The following NELL1 variants were observed in gnomAD, a reference collection of about 807,000 sequenced individuals.
NELL1 encodes neural EGFL like 1.
NELL1 carries 76 observed loss-of-function variants against 107.4 expected under a neutral mutation model. The observed-to-expected ratio is 0.71, with a 90% CI of 0.59 to 0.86. The LOEUF is 0.86. Among genes scored for constraint, NELL1 ranks in the 40% least tolerant of loss-of-function variants. The pLI is 0.00. For missense variants in NELL1, 1,024 were observed against 1,005.5 expected (o/e 1.02, Z -0.25); for synonymous variants, 353 against 341.2 (o/e 1.03, Z -0.38).
chr11:21,441,559 C>G (rs577503356), intron 15 of NELL1, among the ~76,000 whole-genome samples: 2 of 152,026 alleles, frequency 1.3e-5, no homozygotes, highest in African/African-American at 4.8e-5. Context: ...GTAACACTTT[C>G]ATTAGAAAGA....
intron 14 of NELL1, among the ~76,000 whole-genome samples, chr11:21,251,325 G>T (rs939567786): frequency 1.7e-4 from 26 of 152,064 alleles, no homozygotes; most frequent in African/African-American, 5.8e-4. Context: ...AGGGCATTCA[G>T]ATCCTCTATT....
intron 15 of NELL1, among the ~76,000 whole-genome samples, chr11:21,411,734 G>A (rs1265396048): frequency 6.6e-6 from 1 of 152,034 alleles, no homozygotes; most frequent in African/African-American, 2.4e-5. Flanking sequence ...ATTCAATGAG[G>A]TATGATTCAG....
intron 13 of NELL1, among the ~76,000 whole-genome samples, chr11:21,169,052 A>C (rs1856546715): frequency 6.6e-6 from 1 of 151,920 alleles, no homozygotes; most frequent in Admixed American, 6.5e-5. Flanking sequence ...CATAATTCTT[A>C]TCAGAAACCC....
rs556987751 is a variant in NELL1, at chr11:21,408,200, A to T, written c.1645+37252A>T. Among the ~76,000 whole-genome samples the T allele has an allele frequency of 7.2e-5, 11 of 152,088 alleles. No homozygotes were observed. In the South Asian group the frequency reaches 2.3e-3, roughly 32 times the overall value. On this transcript the variant is annotated intron_variant, in intron 15 of 19. Coordinates refer to ENST00000357134, the MANE Select transcript of NELL1 (RefSeq NM_006157.5). ...AAGGAAGCCACTCCCAAGTGATTGG[A>T]GTTACCATGCAAAATGAAATTCAAC...
intron 11 of NELL1, among the ~76,000 whole-genome samples, chr11:20,951,138 G>T (rs140661009): frequency 2.6e-5 from 4 of 152,140 alleles, no homozygotes; most frequent in African/African-American, 9.7e-5. Context: ...CCAGAGAGTG[G>T]ATTTTGCTCA....
intron 3 of NELL1, among the ~76,000 whole-genome samples, chr11:20,790,823 G>C (rs1194370704): frequency 6.6e-6 from 1 of 152,146 alleles, no homozygotes; most frequent in East Asian, 1.9e-4. Context: ...CTTTTTCAAG[G>C]CTCCCAGTGG....
intron 2 of NELL1, among the ~76,000 whole-genome samples, chr11:20,728,919 T>A (rs12363124): frequency 0.11 from 16,995 of 152,204 alleles, 1,069 homozygotes; most frequent in Non-Finnish European, 0.15. Flanking sequence ...TTAATGATGT[T>A]GATTCTTGCA....
At chr11:20,896,760 C>T (rs1849746850) in intron 5 of NELL1, among the ~76,000 whole-genome samples, 1 of 152,118 alleles carries the variant, frequency 6.6e-6, no homozygotes, top group Non-Finnish European at 1.5e-5. Context: ...CATTCTTATA[C>T]ACCAATAACA....
intron 14 of NELL1, among the ~76,000 whole-genome samples, chr11:21,343,508 T>C (rs1315964121): frequency 6.6e-6 from 1 of 152,144 alleles, no homozygotes; most frequent in Non-Finnish European, 1.5e-5. Context: ...TGTGATCTGA[T>C]TATCAGGAAT....
At chr11:20,902,733 T>C (rs1411914544) in intron 5 of NELL1, among the ~76,000 whole-genome samples, 4 of 151,972 alleles carry the variant, frequency 2.6e-5, no homozygotes, top group Admixed American at 1.3e-4. Context: ...TGTCCATCAA[T>C]AGGAGAATGT....
intron 14 of NELL1, among the ~76,000 whole-genome samples, chr11:21,331,667 A>G (rs1435117164): frequency 4.6e-5 from 7 of 152,090 alleles, no homozygotes; most frequent in African/African-American, 1.4e-4. Flanking sequence ...TTACCCTACA[A>G]TCTGATCCAA....
chr11:20,929,141 GAC>G (rs1409225903), intron 9 of NELL1, among the ~76,000 whole-genome samples: 1 of 152,162 alleles, frequency 6.6e-6, no homozygotes, highest in Non-Finnish European at 1.5e-5. Flanking sequence ...GCAGAGGTGA[GAC>G]AGAAAACTAG....
intron 14 of NELL1, among the ~76,000 whole-genome samples, chr11:21,337,785 T>TTTCC (rs1206865256): frequency 8.8e-4 from 124 of 140,270 alleles, no homozygotes; most frequent in Non-Finnish European, 9.7e-4. Flanking sequence ...TCTTTCTTTC[T>TTTCC]TTCTTTCTTT....
chr11:20,790,847 G>T (rs1406217075), intron 3 of NELL1, among the ~76,000 whole-genome samples: 1 of 152,208 alleles, frequency 6.6e-6, no homozygotes, highest in African/African-American at 2.4e-5. Context: ...CACAAAGCCT[G>T]CAGGCCTGGC....
At chr11:20,798,345 T>G (rs904927684) in intron 3 of NELL1, among the ~76,000 whole-genome samples, 4 of 152,242 alleles carry the variant, frequency 2.6e-5, no homozygotes, top group Non-Finnish European at 5.9e-5. Flanking sequence ...AAATTGCTCT[T>G]GCTTGTATAT....
chr11:20,781,545 C>G (rs1460414326), intron 2 of NELL1, among the ~76,000 whole-genome samples: 1 of 152,122 alleles, frequency 6.6e-6, no homozygotes, highest in Admixed American at 6.5e-5. Flanking sequence ...CATTGCTGAT[C>G]GCTTATGGCT....
At chr11:21,123,535 C>T (rs1440144527) in intron 13 of NELL1, among the ~76,000 whole-genome samples, 1 of 152,050 alleles carries the variant, frequency 6.6e-6, no homozygotes. Context: ...TATGGATACA[C>T]ATATATAGAT....
intron 12 of NELL1, among the ~76,000 whole-genome samples, chr11:21,018,813 C>T (rs892093685): frequency 6.6e-6 from 1 of 152,068 alleles, no homozygotes; most frequent in African/African-American, 2.4e-5. Flanking sequence ...TATTATTTAC[C>T]AAATGGTATG....
intron 2 of NELL1, among the ~76,000 whole-genome samples, chr11:20,713,442 G>T (rs967668442): frequency 6.6e-6 from 1 of 152,136 alleles, no homozygotes; most frequent in Non-Finnish European, 1.5e-5. Flanking sequence ...GTTCACCAGG[G>T]AAGTGGGGGA....
Sources: allele counts gnomAD v4.1 joint callset (sites outside exome capture counted in the v4.1 genomes callset), GRCh38; gene constraint gnomAD v4.1.1; transcripts MANE v1.5; gene names NCBI Gene and HGNC (gene_info 2026-07-23, HGNC 2026-07-21).